The following MYO1D variants were observed in gnomAD, a reference collection of about 807,000 sequenced individuals.
MYO1D encodes unconventional myosin-Id.
MYO1D carries 83 observed loss-of-function variants against 122.0 expected under a neutral mutation model. That is an observed-to-expected ratio of 0.68 (90% CI 0.57 to 0.82). The LOEUF (loss-of-function observed/expected upper bound fraction) is 0.82, where lower values mean the gene tolerates loss of function less well. Ranked by LOEUF, MYO1D falls within the 40% of genes least tolerant of loss-of-function variation. The probability of loss-of-function intolerance (pLI) is 0.00; values close to 1 mark genes in which losing one functional copy is unlikely to be tolerated. For missense variants in MYO1D, 1,157 were observed against 1,269.5 expected, an observed-to-expected ratio of 0.91 and a Z score of 1.35; for synonymous variants, 464 against 446.9, an observed-to-expected ratio of 1.04 and a Z score of -0.48.
intron 1 of MYO1D, among the ~76,000 whole-genome samples, chr17:32,855,569 A>T (rs1361920375): frequency 6.6e-6 from 1 of 151,942 alleles, no homozygotes; most frequent in Admixed American, 6.6e-5. Context: ...TTTCCATCCC[A>T]CTGTTGATGG....
At chr17:32,725,661 A>G (rs1438830234) in intron 14 of MYO1D, among the ~76,000 whole-genome samples, 1 of 152,192 alleles carries the variant, frequency 6.6e-6, no homozygotes, top group African/African-American at 2.4e-5. Flanking sequence ...TAGAAGACAC[A>G]GTGAGATGGA....
At chr17:32,834,388 C>T (rs897126708) in intron 1 of MYO1D, among the ~76,000 whole-genome samples, 2 of 152,200 alleles carry the variant, frequency 1.3e-5, no homozygotes, top group African/African-American at 4.8e-5. Context: ...TAACCAGAAC[C>T]AAACAGTGCC....
At chr17:32,501,615 G>C (rs1033693736) in intron 21 of MYO1D, among the ~76,000 whole-genome samples, 29 of 152,206 alleles carry the variant, frequency 1.9e-4, no homozygotes, top group African/African-American at 7.0e-4. Context: ...AGCTTCTGGA[G>C]AGCTGGACAC....
chr17:32,630,607 C>G (rs1318729280), intron 20 of MYO1D, among the ~76,000 whole-genome samples: 1 of 151,670 alleles, frequency 6.6e-6, no homozygotes, highest in Non-Finnish European at 1.5e-5. Flanking sequence ...GAGTCTCGCT[C>G]TGTTGCCCAG....
chr17:32,597,021 T>C lies in MYO1D; in HGVS notation c.2864+8066A>G, dbSNP rs143391216. On this transcript the variant is annotated intron_variant, in intron 21 of 21. Transcript: ENST00000318217. ...AACCTCACCTTAGGCTAATGTGATA[T>C]ATACAACAAGACCATACAGAAAGAT... Among the ~76,000 whole-genome samples the C allele has an allele frequency of 2.0e-4, 30 of 152,362 alleles. No homozygotes were observed. The East Asian group carries it at 5.6e-3, about 28-fold the overall frequency.
At chr17:32,645,424 T>C (rs1442946897) in intron 19 of MYO1D, among the ~76,000 whole-genome samples, 2 of 152,172 alleles carry the variant, frequency 1.3e-5, no homozygotes, top group Non-Finnish European at 2.9e-5. Context: ...GCGTTCTCTG[T>C]ATTTCCTGAA....
intron 1 of MYO1D, among the ~76,000 whole-genome samples, chr17:32,793,194 A>C (rs1376923303): frequency 6.6e-6 from 1 of 151,958 alleles, no homozygotes; most frequent in Non-Finnish European, 1.5e-5. Flanking sequence ...TACTTGGCAC[A>C]TGGACACTTA....
intron 21 of MYO1D, among the ~76,000 whole-genome samples, chr17:32,591,932 C>A (rs1046272088): frequency 5.9e-5 from 9 of 152,272 alleles, no homozygotes; most frequent in Admixed American, 5.2e-4. Context: ...ACTTTAAGGA[C>A]CCCTGATAAA....
chr17:32,841,352 G>A (rs1344719202), intron 1 of MYO1D, among the ~76,000 whole-genome samples: 2 of 151,932 alleles, frequency 1.3e-5, no homozygotes, highest in Non-Finnish European at 2.9e-5. Flanking sequence ...TGTAGTCCCA[G>A]CTACTCAGGA....
At chr17:32,515,420 T>A (rs1213039782) in intron 21 of MYO1D, among the ~76,000 whole-genome samples, 1 of 152,222 alleles carries the variant, frequency 6.6e-6, no homozygotes, top group Non-Finnish European at 1.5e-5. Context: ...GCCTCCTATA[T>A]AGCTGGGACC....
At chr17:32,736,586 G>A (rs895409762) in intron 14 of MYO1D, among the ~76,000 whole-genome samples, 1 of 152,176 alleles carries the variant, frequency 6.6e-6, no homozygotes, top group Admixed American at 6.5e-5. Flanking sequence ...TCTTATTTAA[G>A]CTACTAATTC....
intron 21 of MYO1D, among the ~76,000 whole-genome samples, chr17:32,538,231 G>A (rs1234363409): frequency 6.6e-6 from 1 of 151,722 alleles, no homozygotes; most frequent in Non-Finnish European, 1.5e-5. Context: ...ATGGAAAAAC[G>A]AGTAAAAATT....
At chr17:32,768,606 C>T (rs2151021435) in intron 6 of MYO1D, among the ~76,000 whole-genome samples, 1 of 152,294 alleles carries the variant, frequency 6.6e-6, no homozygotes, top group South Asian at 2.1e-4. Flanking sequence ...CTGGTGAGTA[C>T]AAGTTCCTCT....
At chr17:32,833,544 T>A (rs1370899998) in intron 1 of MYO1D, among the ~76,000 whole-genome samples, 2 of 152,178 alleles carry the variant, frequency 1.3e-5, no homozygotes, top group African/African-American at 2.4e-5. Flanking sequence ...ATGCCATTCC[T>A]CTGCTCAAAC....
At chr17:32,582,270 C>G (rs1235211840) in intron 21 of MYO1D, among the ~76,000 whole-genome samples, 1 of 152,162 alleles carries the variant, frequency 6.6e-6, no homozygotes, top group Non-Finnish European at 1.5e-5. Flanking sequence ...CTTTTAAAAT[C>G]TACGCATTTT....
intron 20 of MYO1D, among the ~76,000 whole-genome samples, chr17:32,634,555 A>G (rs2088071176): frequency 6.6e-6 from 1 of 152,214 alleles, no homozygotes; most frequent in Non-Finnish European, 1.5e-5. Context: ...CATTAGGAAA[A>G]CAACAAATAT....
intron 14 of MYO1D, among the ~76,000 whole-genome samples, chr17:32,726,840 G>C (rs905632130): frequency 6.6e-6 from 1 of 151,692 alleles, no homozygotes; most frequent in African/African-American, 2.4e-5. Flanking sequence ...TAAAATACAT[G>C]CATGTTATTT....
In MYO1D at chr17:32,764,936, A is replaced by G; in HGVS notation, c.977T>C (p.Ile326Thr). 6.2e-7 allele frequency: 1 copy of G among 1,614,188 alleles called. No homozygotes were observed. The highest frequency in any genetic ancestry group is 8.5e-7 in the Non-Finnish European group (1 of 1,180,034). Residue 326 changes from isoleucine to threonine, a missense_variant, in exon 8 of 22, where the codon ATC becomes ACC. Physicochemically the swap from Ile to Thr is moderately conservative, Grantham distance 89. Transcript: ENST00000318217. ...TTGTTCTGTGTGCTGCTTGTCAATG[A>G]TGTCACGGCCTGTGGCCACAGTCCG... is the stretch of plus-strand genomic sequence containing the variant. The part of the protein sequence containing the change: ...LYRTVATGRD[I>T]IDKQHTEQEA...
intron 1 of MYO1D, among the ~76,000 whole-genome samples, chr17:32,856,775 C>T (rs1392343425): frequency 2.0e-5 from 3 of 152,174 alleles, no homozygotes; most frequent in East Asian, 3.9e-4. Context: ...AGGTTCAATC[C>T]TTGGCCCTTT....
Sources: gnomAD v4.1 joint callset for allele counts (sites outside exome capture counted in the v4.1 genomes callset) on GRCh38, gnomAD v4.1.1 for gene constraint, MANE v1.5 for transcripts, NCBI Gene and HGNC (gene_info 2026-07-23, HGNC 2026-07-21) for gene names.